MACROD2: variants seen among roughly 807,000 people sequenced by gnomAD.
MACROD2 encodes mono-ADP ribosylhydrolase 2, also known as ADP-ribose glycohydrolase MACROD2.
A neutral mutation model predicts 70.4 loss-of-function variants in MACROD2; 36 were observed. The ratio of observed to expected loss-of-function variants is 0.51; its 90% CI spans 0.39 to 0.68. MACROD2 has a LOEUF of 0.68. Among genes scored for constraint, MACROD2 ranks in the 30% least tolerant of loss-of-function variants. The pLI, the probability that MACROD2 is intolerant of heterozygous loss-of-function variation, is 0.00. For missense variants in MACROD2, 496 were observed against 538.4 expected (o/e 0.92, Z 0.78); for synonymous variants, 172 against 178.8 (o/e 0.96, Z 0.30).
At chr20:14,882,327 G>A (rs568147086) in intron 5 of MACROD2, among the ~76,000 whole-genome samples, 5 of 151,960 alleles carry the variant, frequency 3.3e-5, no homozygotes, top group African/African-American at 2.4e-5. Context: ...TTTTATCATC[G>A]CAGTGTTTGA....
intron 4 of MACROD2, among the ~76,000 whole-genome samples, chr20:14,654,063 A>G (rs1985832955): frequency 6.6e-6 from 1 of 152,178 alleles, no homozygotes; most frequent in African/African-American, 2.4e-5. Context: ...TCTAAGGGAA[A>G]AATAAGGTGT....
intron 5 of MACROD2, among the ~76,000 whole-genome samples, chr20:15,187,673 A>G (rs535511560): frequency 2.0e-5 from 3 of 152,270 alleles, no homozygotes; most frequent in Admixed American, 1.3e-4. Context: ...AACATCAAAA[A>G]CTAGGACCTC....
chr20:15,986,756 A>G lies in MACROD2; in HGVS notation c.1015A>G (p.Ile339Val). Residue 339 changes from isoleucine (I) to valine (V), a missense_variant, in exon 14 of 18, where the codon ATA becomes GTA. Transcript: ENST00000684519. ...GQENDSTKNE[I>V]KIETESQSSY... ...AGAGAATGATTCAACGAAGAATGAA[A>G]TAAAAATTGAAACAGAATCGCAGAG... The G allele has an allele frequency of 6.2e-7, 1 of 1,613,514 alleles. No homozygotes were observed. The highest frequency in any genetic ancestry group is 8.5e-7 in the Non-Finnish European group (1 of 1,179,512).
At chr20:15,362,763 T>C (rs6079786) in intron 6 of MACROD2, among the ~76,000 whole-genome samples, 16,107 of 152,166 alleles carry the variant, frequency 0.11, 1,074 homozygotes, top group Non-Finnish European at 0.15. Context: ...AGTGTTGATA[T>C]GATTATTCAT....
In MACROD2 at chr20:15,971,083, ATT is replaced by A. The variant is rs1423021937; in HGVS notation, c.985+3454_985+3455del. On this transcript the variant is annotated intron_variant, in intron 13 of 17. Transcript: ENST00000684519. Reference sequence around the variant, plus strand: ...AAAATTACCAGGCATGCAAAGAATTATTGCAAGACAACTCTCCATGCATCTTT... The same window carrying A: ...AAAATTACCAGGCATGCAAAGAATTAGCAAGACAACTCTCCATGCATCTTT... Among the ~76,000 whole-genome samples the A allele has an allele frequency of 2.0e-5, 3 of 152,354 alleles. No homozygotes were observed. In the East Asian group the frequency reaches 5.8e-4, roughly 29 times the overall value.
chr20:14,913,243 C>T (rs948024607), intron 5 of MACROD2, among the ~76,000 whole-genome samples: 4 of 152,028 alleles, frequency 2.6e-5, no homozygotes, highest in Admixed American at 2.0e-4. Context: ...TATTTACCTG[C>T]CATGTGTTTG....
chr20:14,325,669 G>A (rs368474803), intron 3 of MACROD2: 10 of 1,613,656 alleles, frequency 6.2e-6, no homozygotes, highest in Non-Finnish European at 8.5e-6. Context: ...AGGAAATATG[G>A]TGTGTATTAC....
At chr20:14,737,188 G>A (rs1033336170) in intron 5 of MACROD2, among the ~76,000 whole-genome samples, 4 of 152,070 alleles carry the variant, frequency 2.6e-5, no homozygotes, top group Admixed American at 6.5e-5. Flanking sequence ...CTGCTTATGC[G>A]TGAGAACATG....
Position 14,273,733 on chromosome 20 carries a change from T to C in MACROD2, c.271+188005T>C, listed in dbSNP as rs2082221839. Among the ~76,000 whole-genome samples, 6 of 151,888 alleles carry C rather than the reference T, an allele frequency of 4.0e-5. No homozygotes were observed. The South Asian group carries it at 1.0e-3, about 26-fold the overall frequency. On this transcript the variant is annotated intron_variant, in intron 3 of 17. Transcript: ENST00000684519. ...TGGTTTTTTGAAAGGATCAACACAATTGATAGACCGCTAGCAAGACTCATA... is the reference window on the plus strand; with the variant it reads ...TGGTTTTTTGAAAGGATCAACACAACTGATAGACCGCTAGCAAGACTCATA...
At chr20:15,292,605 C>G (rs548496596) in intron 6 of MACROD2, among the ~76,000 whole-genome samples, 6 of 152,104 alleles carry the variant, frequency 3.9e-5, no homozygotes, top group African/African-American at 9.7e-5. Context: ...GGCTCAGAGT[C>G]GAAGTGCTGA....
chr20:14,273,610 CA>C (rs2122366422), intron 3 of MACROD2, among the ~76,000 whole-genome samples: 1 of 147,186 alleles, frequency 6.8e-6, no homozygotes, highest in Non-Finnish European at 1.5e-5. Context: ...CAAACACATT[CA>C]AAAGCTAGCA....
At chr20:15,338,739 G>T (rs1352034062) in intron 6 of MACROD2, among the ~76,000 whole-genome samples, 3 of 151,714 alleles carry the variant, frequency 2.0e-5, no homozygotes, top group Non-Finnish European at 4.4e-5. Context: ...CTTGGATTAT[G>T]AACACAGAGG....
chr20:14,502,273 T>G (rs1159023086), intron 4 of MACROD2, among the ~76,000 whole-genome samples: 1 of 152,172 alleles, frequency 6.6e-6, no homozygotes, highest in Non-Finnish European at 1.5e-5. Flanking sequence ...ATCTTTTTTG[T>G]TTTTGGCACT....
intron 3 of MACROD2, among the ~76,000 whole-genome samples, chr20:14,333,449 G>A (rs1464892839): frequency 6.6e-6 from 1 of 152,128 alleles, no homozygotes; most frequent in Admixed American, 6.6e-5. Context: ...CAAAGTAAAT[G>A]AATTAGAGAA....
intron 5 of MACROD2, among the ~76,000 whole-genome samples, chr20:14,802,040 A>G (rs2072582764): frequency 6.6e-6 from 1 of 152,068 alleles, no homozygotes; most frequent in Admixed American, 6.6e-5. Context: ...ATTTAATTAT[A>G]TATGTCTTTA....
At chr20:14,802,109 A>G (rs1292699553) in intron 5 of MACROD2, among the ~76,000 whole-genome samples, 4 of 152,158 alleles carry the variant, frequency 2.6e-5, no homozygotes, top group Middle Eastern at 3.4e-3. Context: ...ATCAAATGTG[A>G]TGTCGCATGT....
intron 5 of MACROD2, among the ~76,000 whole-genome samples, chr20:14,853,185 G>GTT (rs1195612996): frequency 6.6e-6 from 1 of 151,890 alleles, no homozygotes; most frequent in East Asian, 1.9e-4. Context: ...GTGTGTGTGT[G>GTT]TGTGTGTGTG....
At chr20:15,933,458 C>T (rs1320615590) in intron 11 of MACROD2, 120 bp downstream of exon 11, 2 of 865,432 alleles carry the variant, frequency 2.3e-6, no homozygotes, top group East Asian at 5.7e-5. Flanking sequence ...CTCCAGTGTT[C>T]ATTCAGGGTC....
chr20:14,340,494 A>AT (rs11480417), intron 3 of MACROD2, among the ~76,000 whole-genome samples: 10,819 of 152,188 alleles, frequency 0.071, 631 homozygotes, highest in African/African-American at 0.16. Flanking sequence ...CCAATAACAG[A>AT]TTTTTGGAAT....
Sources: gnomAD v4.1 joint callset for allele counts (sites outside exome capture counted in the v4.1 genomes callset) on GRCh38, gnomAD v4.1.1 for gene constraint, MANE v1.5 for transcripts, NCBI Gene and HGNC (gene_info 2026-07-23, HGNC 2026-07-21) for gene names.